The following POFUT1 variants were observed in gnomAD, a reference collection of about 807,000 sequenced individuals.
POFUT1 encodes the protein GDP-fucose protein O-fucosyltransferase 1.
Under a neutral mutation model 42.4 loss-of-function variants are expected in POFUT1, and 16 were observed. That is an observed-to-expected ratio of 0.38 (90% confidence interval 0.26 to 0.57). POFUT1 has a LOEUF of 0.57. Among genes scored for constraint, POFUT1 ranks in the 20% least tolerant of loss-of-function variants. The pLI is 0.71. For synonymous variants in POFUT1, 206 were observed against 205.4 expected, an observed-to-expected ratio of 1.00 and a Z score of -0.03; for missense variants, 470 against 504.6, an observed-to-expected ratio of 0.93 and a Z score of 0.66.
chr20:32,208,179 C>A, intron 1 of POFUT1, 114 bp downstream of exon 1: 1 of 1,082,772 alleles, frequency 9.2e-7, no homozygotes, highest in South Asian at 1.4e-5. Context: ...AACCTCAGAG[C>A]GGGACGGGGC....
At position 32,231,047 on chromosome 20, in the gene POFUT1, C is replaced by T. The variant is rs17268666; in HGVS notation, c.964C>T (p.Leu322Phe). Residue 322 changes from leucine to phenylalanine, a missense_variant, in exon 6 of 7, where the codon CTC (leucine) becomes TTC (phenylalanine). Coordinates refer to ENST00000375749, the MANE Select transcript of POFUT1 (RefSeq NM_015352.2). ...SESYVPELQQ[L>F]FKGKVKVVSL... ...GAGTTATGTGCCTGAGCTCCAACAG[C>T]TCTTCAAAGGGAAGGTATGTGTGGG... 80,936 of 1,614,008 alleles carry T rather than the reference C, an allele frequency of 0.05. 2,379 individuals are homozygous for T. The highest frequency in any genetic ancestry group is 0.058 in the Non-Finnish European group (68,908 of 1,179,870).
At chr20:32,230,069 C>T (rs926875053) in intron 5 of POFUT1, among the ~76,000 whole-genome samples, 1 of 151,976 alleles carries the variant, frequency 6.6e-6, no homozygotes. Flanking sequence ...CGAGGCACTG[C>T]GCCTGGTCCT....
rs763570736 is a variant in POFUT1, at chr20:32,228,220, C to T, written c.543-43C>T. Reference sequence around the variant, plus strand: ...TTCCCGTGGGGGTGGCAGCCAGGCTCTCTGTGCGTCCTCTGACTTCCCTCA... The same window carrying T: ...TTCCCGTGGGGGTGGCAGCCAGGCTTTCTGTGCGTCCTCTGACTTCCCTCA... On this transcript the variant is annotated intron_variant, in intron 4 of 6. Coordinates refer to ENST00000375749, the MANE Select transcript of POFUT1 (RefSeq NM_015352.2). 9.7e-6 allele frequency: 15 copies of T among 1,551,298 alleles called. No homozygotes were observed. The African/African-American group carries it at 1.8e-4, about 18-fold the overall frequency.
intron 2 of POFUT1, among the ~76,000 whole-genome samples, chr20:32,213,792 G>A (rs545874711): frequency 6.6e-6 from 1 of 152,136 alleles, no homozygotes; most frequent in Admixed American, 6.6e-5. Flanking sequence ...AAATTACACA[G>A]ATGAATACAA....
chr20:32,237,298 C>G lies in POFUT1; in HGVS notation c.*2637C>G, dbSNP rs1439985021. The G allele has an allele frequency of 6.4e-6, 1 of 156,640 alleles. No homozygotes were observed. Among genetic ancestry groups the G allele is most frequent in the South Asian group, 1.9e-4 (1 of 5,350 alleles). 9.7% of individuals were successfully genotyped at this position (156,640 alleles called of 1,614,324 possible). ...TCTTTGTTCTCAAGGAATTTGCATT[C>G]TAGAAAGTAGAAGATGTAATAAATG... On this transcript the variant is annotated 3_prime_UTR_variant, in exon 7 of 7. Transcript: ENST00000375749.
chr20:32,221,583 G>A (rs944854219), intron 4 of POFUT1, among the ~76,000 whole-genome samples: 1 of 151,890 alleles, frequency 6.6e-6, no homozygotes, highest in East Asian at 1.9e-4. Flanking sequence ...GCATGGTGGC[G>A]CATACCTGTA....
rs1193107552 is a variant in POFUT1 at position 32,207,905 on chromosome 20, A to G, written c.-37A>G. ...GCTCGCGTCCCTCCTTCCCTCCCCG[A>G]CTGTGCGCCGCGGCTGGCTCGGGTT... On this transcript the variant is annotated 5_prime_UTR_variant, in exon 1 of 7. Transcript: ENST00000375749. 8.3e-6 allele frequency: 13 copies of G among 1,557,266 alleles called. No homozygotes were observed. The highest frequency in any genetic ancestry group is 2.4e-5 in the East Asian group (1 of 42,028).
chr20:32,219,878 C>T (rs534641178), intron 4 of POFUT1, among the ~76,000 whole-genome samples: 39 of 152,264 alleles, frequency 2.6e-4, no homozygotes, highest in African/African-American at 8.4e-4. Flanking sequence ...TTCATTTTTC[C>T]GTTTTCTTAT....
intron 1 of POFUT1, among the ~76,000 whole-genome samples, chr20:32,209,548 C>T (rs1056588984): frequency 2.0e-5 from 3 of 152,210 alleles, no homozygotes; most frequent in Non-Finnish European, 4.4e-5. Context: ...GAAAAGGAAT[C>T]ACACAGGGTC....
rs1024162743 is a variant in POFUT1 at position 32,208,164 on chromosome 20, G to A, written c.124+99G>A. The A allele has an allele frequency of 4.8e-6, 6 of 1,246,422 alleles. No homozygotes were observed. In the African/African-American group the frequency reaches 6.2e-5, roughly 13 times the overall value. The allele number at this position is 1,246,422 out of a possible 1,614,324, so 77.2% of individuals were successfully genotyped here. On this transcript the variant is annotated intron_variant, in intron 1 of 6. Transcript: ENST00000375749. ...CCCAGAGACACCTTCACAGGTCCAG[G>A]AGAGAACCTCAGAGCGGGACGGGGC... is the stretch of plus-strand genomic sequence containing the variant.
chr20:32,209,519 G>A (rs1358883924), intron 1 of POFUT1, among the ~76,000 whole-genome samples: 1 of 152,226 alleles, frequency 6.6e-6, no homozygotes, highest in African/African-American at 2.4e-5. Context: ...TGAATGAACA[G>A]GTGCCATGCT....
Position 32,234,751 on chromosome 20 carries a change from G to C in POFUT1, c.*90G>C, listed in dbSNP as rs568677693. On this transcript the variant is annotated 3_prime_UTR_variant, in exon 7 of 7. Transcript: ENST00000375749. ...CAGGCCTGGCAGCCAGAGGTGCTCC[G>C]GGATTGCAAACTCCTCTTCTCACCT... 29 of 1,207,312 alleles carry C rather than the reference G, an allele frequency of 2.4e-5. No homozygotes were observed. Among genetic ancestry groups the C allele is most frequent in the Non-Finnish European group, 3.4e-5 (29 of 865,636 alleles). 74.8% of individuals were successfully genotyped at this position (1,207,312 alleles called of 1,614,324 possible). A position where few individuals can be genotyped will look rare whatever the true frequency, so the allele number is the denominator to read the frequency against.
chr20:32,208,745 G>A (rs1347656831), intron 1 of POFUT1, among the ~76,000 whole-genome samples: 3 of 151,948 alleles, frequency 2.0e-5, no homozygotes, highest in Non-Finnish European at 4.4e-5. Context: ...TGAGGTGGGA[G>A]GATCTCTTGA....
chr20:32,217,355 C>G (rs2047367528), intron 4 of POFUT1: 5 of 1,136,446 alleles, frequency 4.4e-6, no homozygotes, highest in East Asian at 4.8e-5. Flanking sequence ...TATAGCATGG[C>G]AGGAAAGACC....
chr20:32,215,465 G>A lies in POFUT1; in HGVS notation c.429+14G>A. 1.3e-6 allele frequency: 2 copies of A among 1,594,092 alleles called. No individual in the cohort carries two copies. The highest frequency in any genetic ancestry group is 1.7e-6 in the Non-Finnish European group (2 of 1,165,394). ...TGCCCCATGAAGGTGGGTCCTGTGG[G>A]TTCGGGGGCCCTTTCTTCCTGTTCC... On this transcript the variant is annotated intron_variant, in intron 3 of 6. Transcript: ENST00000375749.
At position 32,237,396 on chromosome 20, in the gene POFUT1, A is replaced by G. The variant is rs188218035; in HGVS notation, c.*2735A>G. On this transcript the variant is annotated 3_prime_UTR_variant, in exon 7 of 7. Coordinates refer to ENST00000375749, the MANE Select transcript of POFUT1 (RefSeq NM_015352.2). ...GGGAGCAAAAAGAGGGAGTGGATCT[A>G]TTTTAGATGAGCCCAGGTAAGACCT... 11 of 164,194 alleles carry G rather than the reference A, an allele frequency of 6.7e-5. No individual in the cohort carries two copies. Among genetic ancestry groups the G allele is most frequent in the Middle Eastern group, 3.0e-3 (1 of 328 alleles). The allele number at this position is 164,194 out of a possible 1,614,324, so 10.2% of individuals were successfully genotyped here.
intron 4 of POFUT1, chr20:32,217,577 A>T (rs1357190623): frequency 1.0e-6 from 1 of 983,760 alleles, no homozygotes; most frequent in Non-Finnish European, 1.2e-6. Flanking sequence ...GTACCCCTGC[A>T]CTCCAGCCCA....
Position 32,215,283 on chromosome 20 carries a change from C to T in POFUT1, c.261C>T (p.Tyr87=), listed in dbSNP as rs780169518. 24 of 1,611,970 alleles carry T rather than the reference C, an allele frequency of 1.5e-5. No homozygotes were observed. The Admixed American group carries it at 4.0e-4, about 27-fold the overall frequency. ...TTTTCCTGTAGCTCCATGTGTCCTA[C>T]CAGAAGTACTTCAAGCTGGAGCCCC... is the stretch of plus-strand genomic sequence containing the variant. ...KPPFTNLHVS[Y]QKYFKLEPLQ... is the part of the protein sequence containing the mutation. The change falls in exon 3 of 7, where the codon TAC becomes TAT. Residue 87 remains tyrosine, a synonymous_variant. Coordinates refer to ENST00000375749, the MANE Select transcript of POFUT1 (RefSeq NM_015352.2).
In POFUT1 at chr20:32,222,750, G is replaced by A. The variant is rs183025255; in HGVS notation, c.543-5513G>A. On this transcript the variant is annotated intron_variant, in intron 4 of 6. Coordinates refer to ENST00000375749, the MANE Select transcript of POFUT1 (RefSeq NM_015352.2). The stretch of plus-strand genomic sequence containing the variant: ...TCTGCTCGTTCTGAGCCTGTGAATA[G>A]CCTGGCACAGCTCTAATTCAGCTGA... 5.6e-5 allele frequency: 55 copies of A among 985,454 alleles called. No homozygotes were observed. In the African/African-American group the frequency reaches 9.1e-4, roughly 16 times the overall value. The allele number at this position is 985,454 out of a possible 1,614,324, so 61.0% of individuals were successfully genotyped here.
Sources: allele counts gnomAD v4.1 joint callset (sites outside exome capture counted in the v4.1 genomes callset), GRCh38; gene constraint gnomAD v4.1.1; transcripts MANE v1.5; gene names NCBI Gene and HGNC (gene_info 2026-07-23, HGNC 2026-07-21).